The following ERICH1 variants were observed in gnomAD, a reference collection of about 807,000 sequenced individuals.
The protein encoded by ERICH1 is glutamate rich 1.
ERICH1 carries 56 observed loss-of-function variants against 39.6 expected under a neutral mutation model. The observed-to-expected ratio is 1.41, with a 90% CI of 1.14 to 1.77. ERICH1 has a LOEUF of 1.77. ERICH1 is among the 40% of genes most tolerant of loss of function. The probability of loss-of-function intolerance (pLI) is 0.00; values close to 1 mark genes in which losing one functional copy is unlikely to be tolerated. For missense variants in ERICH1, 826 were observed against 575.4 expected, an observed-to-expected ratio of 1.44 and a Z score of -4.45; for synonymous variants, 313 against 223.6, an observed-to-expected ratio of 1.40 and a Z score of -3.57.
At chr8:630,313 G>A (rs1584959342) in intron 3 of ERICH1, among the ~76,000 whole-genome samples, 1 of 106,578 alleles carries the variant, frequency 9.4e-6, no homozygotes, top group Non-Finnish European at 1.9e-5. Context: ...CACCCACACA[G>A]ACAGAGCTGA....
intron 3 of ERICH1, among the ~76,000 whole-genome samples, chr8:654,843 A>AC (rs1800415835): frequency 2.0e-5 from 3 of 151,722 alleles, no homozygotes; most frequent in Admixed American, 6.6e-5. Flanking sequence ...CCAGGAGAGG[A>AC]CCCCCCGAGT....
intron 1 of ERICH1, chr8:725,496 G>A (rs1455759869): frequency 6.6e-6 from 1 of 152,442 alleles, no homozygotes; most frequent in Non-Finnish European, 1.5e-5. Flanking sequence ...TGTGCACTGA[G>A]GCGCCAGCCG....
chr8:687,247 G>A (rs1287094905), intron 3 of ERICH1, among the ~76,000 whole-genome samples: 3 of 152,202 alleles, frequency 2.0e-5, no homozygotes, highest in Admixed American at 2.0e-4. Flanking sequence ...CACAGAATCT[G>A]AGTCAATGCC....
intron 1 of ERICH1, among the ~76,000 whole-genome samples, chr8:726,428 G>C (rs1818682305): frequency 1.4e-5 from 2 of 147,094 alleles, no homozygotes; most frequent in African/African-American, 5.1e-5. Flanking sequence ...CCATGCCACA[G>C]GCAGACACGT....
intron 3 of ERICH1, among the ~76,000 whole-genome samples, chr8:623,750 C>T (rs551069566): frequency 6.6e-6 from 1 of 152,232 alleles, no homozygotes; most frequent in South Asian, 2.1e-4. Flanking sequence ...CAAAGACTAA[C>T]TCAAAATGGA....
At chr8:719,113 T>A (rs1428187142) in intron 1 of ERICH1, among the ~76,000 whole-genome samples, 1 of 152,042 alleles carries the variant, frequency 6.6e-6, no homozygotes, top group African/African-American at 2.4e-5. Flanking sequence ...CTGCCTGGGC[T>A]GAGAGCCCGA....
intron 5 of ERICH1, chr8:667,386 C>T (rs1182816837): frequency 4.6e-5 from 7 of 153,368 alleles, no homozygotes; most frequent in African/African-American, 1.4e-4. Flanking sequence ...CATCTCAGCG[C>T]ATGCGCACTT....
chr8:684,946 C>T (rs1806962284), intron 3 of ERICH1, among the ~76,000 whole-genome samples: 1 of 152,200 alleles, frequency 6.6e-6, no homozygotes, highest in Admixed American at 6.5e-5. Context: ...CAGGGCGAAA[C>T]TAGAATTGCT....
intron 3 of ERICH1, among the ~76,000 whole-genome samples, chr8:690,150 G>A (rs1035025090): frequency 4.6e-5 from 7 of 152,186 alleles, no homozygotes; most frequent in East Asian, 1.9e-4. Context: ...CCAGGTGGCA[G>A]AGGTCCCAGA....
At chr8:624,750 A>G (rs1204959901) in intron 3 of ERICH1, among the ~76,000 whole-genome samples, 1 of 151,276 alleles carries the variant, frequency 6.6e-6, no homozygotes, top group Non-Finnish European at 1.5e-5. Context: ...TTTGTTTGAG[A>G]CAGTCTCGCT....
intron 2 of ERICH1, among the ~76,000 whole-genome samples, chr8:709,353 G>A (rs1192759778): frequency 6.6e-6 from 1 of 152,174 alleles, no homozygotes; most frequent in Admixed American, 6.6e-5. Context: ...CGAAGCAGGG[G>A]CAGCATCTGC....
intron 1 of ERICH1, among the ~76,000 whole-genome samples, chr8:727,305 G>A (rs4735916): frequency 0.14 from 20,851 of 152,186 alleles, 1,902 homozygotes; most frequent in East Asian, 0.45. Context: ...ATCTCTCCCG[G>A]ACTACCAGAG....
At chr8:713,072 C>T (rs1036723429) in intron 2 of ERICH1, among the ~76,000 whole-genome samples, 3 of 152,228 alleles carry the variant, frequency 2.0e-5, no homozygotes, top group East Asian at 1.9e-4. Context: ...GGCTTGCAGA[C>T]GCCGTTCTCT....
chr8:728,191 C>A (rs1193109750), intron 1 of ERICH1, among the ~76,000 whole-genome samples: 4 of 152,206 alleles, frequency 2.6e-5, no homozygotes. Context: ...CTCACAATGA[C>A]CAACCACCAG....
At chr8:693,169 C>T (rs939026003) in intron 2 of ERICH1, among the ~76,000 whole-genome samples, 4 of 151,934 alleles carry the variant, frequency 2.6e-5, no homozygotes, top group African/African-American at 9.7e-5. Context: ...CATGCACAGC[C>T]ACAGACCACA....
At chr8:655,860 C>G (rs542401278) in intron 3 of ERICH1, among the ~76,000 whole-genome samples, 6 of 152,250 alleles carry the variant, frequency 3.9e-5, no homozygotes, top group Non-Finnish European at 5.9e-5. Flanking sequence ...ATGACACATC[C>G]TTTCCTGTCT....
rs758682956 is a variant in ERICH1, at chr8:673,985, A to T, written c.367T>A (p.Phe123Ile). 7 of 1,588,050 alleles carry T rather than the reference A, an allele frequency of 4.4e-6. No individual in the cohort carries two copies. The highest frequency in any genetic ancestry group is 2.3e-5 in the South Asian group (2 of 85,562). ...RIRKHKSKKK[F>I]KNPNNVLIEQ... is the part of the protein sequence containing the mutation. ...ATAAGAACATTATTGGGATTTTTAA[A>T]TTTTTTCTTTGATTTATGCTTCCTA... The change falls in exon 4 of 6, where the codon TTT becomes ATT. Residue 123 changes from phenylalanine (F) to isoleucine (I), a missense_variant. Phe to Ile is a conservative substitution (Grantham distance 21). Transcript: ENST00000262109.
intron 3 of ERICH1, chr8:627,303 G>A (rs1797646519): frequency 2.3e-6 from 1 of 433,288 alleles, no homozygotes; most frequent in South Asian, 1.6e-5. Flanking sequence ...CAGGCCAGGG[G>A]CTGGCAGACG....
At chr8:677,561 G>A (rs571592664) in intron 3 of ERICH1, among the ~76,000 whole-genome samples, 124 of 152,274 alleles carry the variant, frequency 8.1e-4, no homozygotes, top group Admixed American at 1.4e-3. Context: ...GGTCCACTGC[G>A]CAGGTCTGAC....
Sources: gnomAD v4.1 joint callset for allele counts (sites outside exome capture counted in the v4.1 genomes callset) on GRCh38, gnomAD v4.1.1 for gene constraint, MANE v1.5 for transcripts, NCBI Gene and HGNC (gene_info 2026-07-23, HGNC 2026-07-21) for gene names.